The following CD46 variants were observed in gnomAD, a reference collection of about 807,000 sequenced individuals.
CD46 encodes the protein membrane cofactor protein.
A neutral mutation model predicts 53.3 loss-of-function variants in CD46; 30 were observed. That is an observed-to-expected ratio of 0.56 (90% CI 0.42 to 0.76). The LOEUF (loss-of-function observed/expected upper bound fraction) is 0.76. Among genes scored for constraint, CD46 ranks in the 30% least tolerant of loss-of-function variants. The probability of loss-of-function intolerance (pLI) is 0.00; values close to 1 mark genes in which losing one functional copy is unlikely to be tolerated. For missense variants in CD46, 409 were observed against 463.0 expected (o/e 0.88, Z 1.07); for synonymous variants, 142 against 152.0 (o/e 0.93, Z 0.48).
intron 1 of CD46, among the ~76,000 whole-genome samples, chr1:207,754,367 T>A (rs1655271484): frequency 6.6e-6 from 1 of 152,148 alleles, no homozygotes; most frequent in African/African-American, 2.4e-5. Context: ...AGACCTTCTC[T>A]GATCACCCCA....
chr1:207,782,895 C>T (rs866221014), intron 8 of CD46, among the ~76,000 whole-genome samples: 16 of 151,406 alleles, frequency 1.1e-4, no homozygotes, highest in African/African-American at 2.4e-4. Context: ...CCTCGTGATC[C>T]GCCTGCCTCG....
chr1:207,785,761 C>A, intron 11 of CD46, 79 bp downstream of exon 11: 3 of 890,026 alleles, frequency 3.4e-6, no homozygotes, highest in Non-Finnish European at 5.6e-6. Flanking sequence ...AGTTTGTAAT[C>A]TGTATTGCAT....
At chr1:207,783,235 A>C in intron 8 of CD46, 57 bp from the exon 9 acceptor site, 1 of 938,926 alleles carries the variant, frequency 1.1e-6, no homozygotes, top group Non-Finnish European at 1.7e-6. Context: ...TTTAAGCTTT[A>C]TATTTAATTC....
At chr1:207,784,915 C>T (rs192746792) in intron 9 of CD46, among the ~76,000 whole-genome samples, 156 bp from the exon 10 acceptor site, 1 of 152,304 alleles carries the variant, frequency 6.6e-6, no homozygotes, top group Admixed American at 6.5e-5. Context: ...CATGGGGTCC[C>T]TCCCACAACA....
chr1:207,777,941 C>T (rs752005015), intron 8 of CD46, among the ~76,000 whole-genome samples: 2 of 152,160 alleles, frequency 1.3e-5, no homozygotes, highest in Non-Finnish European at 2.9e-5. Context: ...TACAACCTCA[C>T]CAGCATCTAT....
At chr1:207,755,791 ATCT>A (rs1162051906) in intron 1 of CD46, among the ~76,000 whole-genome samples, 5 of 152,224 alleles carry the variant, frequency 3.3e-5, no homozygotes, top group Admixed American at 3.3e-4. Flanking sequence ...AAATGGCCTA[ATCT>A]TCTTTCTCCA....
At chr1:207,786,721 G>A (rs569908135) in intron 11 of CD46, among the ~76,000 whole-genome samples, 1 of 152,232 alleles carries the variant, frequency 6.6e-6, no homozygotes, top group Non-Finnish European at 1.5e-5. Flanking sequence ...TTACTCATAA[G>A]GAACTCAAAC....
intron 11 of CD46, among the ~76,000 whole-genome samples, chr1:207,788,666 TC>T (rs1659510396): frequency 1.3e-5 from 2 of 152,316 alleles, no homozygotes; most frequent in Admixed American, 1.3e-4. Context: ...CTTCTCCACT[TC>T]CGGGGGTAAC....
At chr1:207,755,916 A>G (rs777244179) in intron 1 of CD46, among the ~76,000 whole-genome samples, 44 of 152,090 alleles carry the variant, frequency 2.9e-4, no homozygotes, top group Non-Finnish European at 1.6e-4. Context: ...TTGAATAGCT[A>G]CTCTGAGTGA....
At chr1:207,784,139 T>C (rs1398796461) in intron 9 of CD46, among the ~76,000 whole-genome samples, 2 of 152,226 alleles carry the variant, frequency 1.3e-5, no homozygotes, top group East Asian at 3.8e-4. Flanking sequence ...TTTAGGACTA[T>C]GTCTTAATTT....
chr1:207,765,048 A>G (rs760432839), intron 5 of CD46, among the ~76,000 whole-genome samples: 20 of 152,216 alleles, frequency 1.3e-4, no homozygotes, highest in Non-Finnish European at 2.2e-4. Context: ...ATCTTCAACA[A>G]AATATTAGCA....
chr1:207,770,245 C>A (rs1657343128), intron 7 of CD46, 76 bp from the exon 8 acceptor site: 1 of 1,043,102 alleles, frequency 9.6e-7, no homozygotes, highest in African/African-American at 1.6e-5. Flanking sequence ...CTTAAAAAAT[C>A]AATATCAAAA....
intron 8 of CD46, among the ~76,000 whole-genome samples, chr1:207,773,674 G>A (rs1037510022): frequency 6.6e-6 from 1 of 152,094 alleles, no homozygotes; most frequent in African/African-American, 2.4e-5. Flanking sequence ...TTCAAGAGCA[G>A]GTTGTTCAGT....
intron 1 of CD46, among the ~76,000 whole-genome samples, chr1:207,756,529 T>TATAGTAGAAA (rs1363105688): frequency 1.3e-5 from 2 of 152,130 alleles, no homozygotes; most frequent in Non-Finnish European, 2.9e-5. Flanking sequence ...ACAAGGTGAG[T>TATAGTAGAAA]ATAGTAGAAA....
intron 8 of CD46, among the ~76,000 whole-genome samples, chr1:207,778,558 C>T (rs1658367350): frequency 6.6e-6 from 1 of 152,114 alleles, no homozygotes; most frequent in Non-Finnish European, 1.5e-5. Flanking sequence ...TTTCCCATTG[C>T]TTGTTTTTGT....
chr1:207,758,445 G>A (rs1233598182), intron 3 of CD46, among the ~76,000 whole-genome samples: 1 of 152,088 alleles, frequency 6.6e-6, no homozygotes, highest in Admixed American at 6.5e-5. Flanking sequence ...ACAAGGGAGG[G>A]GGTTCTCGCT....
At chr1:207,772,514 C>T (rs747239554) in intron 8 of CD46, among the ~76,000 whole-genome samples, 11 of 152,096 alleles carry the variant, frequency 7.2e-5, no homozygotes, top group East Asian at 1.9e-4. Flanking sequence ...TTTGCCCATT[C>T]GGTATGATAT....
In CD46 at chr1:207,753,807, A is replaced by G. The variant is rs766238734; in HGVS notation, c.97+1498A>G. On this transcript the variant is annotated intron_variant, in intron 1 of 12. Transcript: ENST00000367042. ...CTTCATGTGCGCGTCATGTGTATCT[A>G]TGTCCAAATTATATTTAGGATCCAA... Among the ~76,000 whole-genome samples, 12 of 152,232 alleles carry G rather than the reference A, an allele frequency of 7.9e-5. 1 individual carries two copies. Among genetic ancestry groups the G allele is most frequent in the Admixed American group, 5.9e-4 (9 of 15,286 alleles).
In CD46 at chr1:207,767,067, GA is replaced by G. The variant is rs1343140692; in HGVS notation, c.735del (p.Lys245AsnfsTer90). The G allele has an allele frequency of 6.2e-7, 1 of 1,613,726 alleles. No homozygotes were observed. ...AATGGAAAACAGATATCAGGATTTGGAAAAAAATTTTACTACAAAGCAACAG... is the reference window on the plus strand; with the variant it reads ...AATGGAAAACAGATATCAGGATTTGGAAAAAATTTTACTACAAAGCAACAG... ...VENGKQISGF[G>X]KKFYYKATVM... On this transcript the variant is annotated frameshift_variant, in exon 6 of 13. Transcript: ENST00000367042. LOFTEE classifies it high-confidence loss of function.
Sources: allele counts gnomAD v4.1 joint callset (sites outside exome capture counted in the v4.1 genomes callset), GRCh38; gene constraint gnomAD v4.1.1; transcripts MANE v1.5; gene names NCBI Gene and HGNC (gene_info 2026-07-23, HGNC 2026-07-21).